MEGF10: variants seen among roughly 807,000 people sequenced by gnomAD.
MEGF10 encodes multiple EGF like domains 10, also known as multiple epidermal growth factor-like domains protein 10.
Under a neutral mutation model 147.5 loss-of-function variants are expected in MEGF10, and 86 were observed. That is an observed-to-expected ratio of 0.58 (90% CI 0.49 to 0.70). The LOEUF is 0.70. MEGF10 is among the 30% of genes least tolerant of loss of function. MEGF10 has a pLI of 0.00. For synonymous variants in MEGF10, 478 were observed against 525.5 expected (o/e 0.91, Z 1.24); for missense variants, 1,329 against 1,487.3 (o/e 0.89, Z 1.75).
At chr5:127,433,860 C>T (rs780158364) in intron 14 of MEGF10, among the ~76,000 whole-genome samples, 22 of 152,216 alleles carry the variant, frequency 1.4e-4, no homozygotes, top group Non-Finnish European at 2.1e-4. Flanking sequence ...AGCAGTTTGG[C>T]ATTGGCCTTA....
At chr5:127,251,686 C>T in the MEGF10 span, among the ~76,000 whole-genome samples, 2 of 151,880 alleles carry the variant, frequency 1.3e-5, no homozygotes, top group Admixed American at 1.3e-4. Context: ...AAAAGCCAAA[C>T]ATAAAAGTAC....
intron 9 of MEGF10, 89 bp downstream of exon 9, chr5:127,410,690 T>A: frequency 8.2e-7 from 1 of 1,226,666 alleles, no homozygotes; most frequent in Non-Finnish European, 1.1e-6. Context: ...GATAGAGTGA[T>A]TCTCACCCCA....
chr5:127,334,240 A>G (rs185694606), intron 2 of MEGF10, among the ~76,000 whole-genome samples: 113 of 152,240 alleles, frequency 7.4e-4, no homozygotes, highest in Non-Finnish European at 1.4e-3. Context: ...GGCTCATTTT[A>G]AGCTCTTCTT....
chr5:127,403,929 A>G (rs1423897397), intron 8 of MEGF10, among the ~76,000 whole-genome samples: 2 of 152,296 alleles, frequency 1.3e-5, no homozygotes, highest in East Asian at 1.9e-4. Context: ...ACTTCCATAT[A>G]CTGATTTACT....
At chr5:127,234,503 G>T in the MEGF10 span, among the ~76,000 whole-genome samples, 1 of 152,160 alleles carries the variant, frequency 6.6e-6, no homozygotes, top group African/African-American at 2.4e-5. Flanking sequence ...TGTGCCTCCT[G>T]GGAGAGCAAA....
intron 4 of MEGF10, among the ~76,000 whole-genome samples, chr5:127,352,319 A>G (rs1762113401): frequency 6.6e-6 from 1 of 152,156 alleles, no homozygotes; most frequent in African/African-American, 2.4e-5. Context: ...AATGGTACCT[A>G]GCTTTATTTT....
At chr5:127,304,396 TG>T (rs1474183551) in intron 1 of MEGF10, among the ~76,000 whole-genome samples, 1 of 152,218 alleles carries the variant, frequency 6.6e-6, no homozygotes, top group East Asian at 1.9e-4. Context: ...ATAAGGGCTA[TG>T]GGCCTCCTCA....
intron 1 of MEGF10, among the ~76,000 whole-genome samples, chr5:127,303,173 C>T (rs1759848806): frequency 6.6e-6 from 1 of 151,930 alleles, no homozygotes; most frequent in Non-Finnish European, 1.5e-5. Flanking sequence ...CCAGTCTCTA[C>T]TAAAATTCAA....
At chr5:127,321,912 A>G (rs538687938) in intron 1 of MEGF10, among the ~76,000 whole-genome samples, 42 of 152,016 alleles carry the variant, frequency 2.8e-4, no homozygotes, top group African/African-American at 9.2e-4. Flanking sequence ...AGAGAATTAT[A>G]TTTGCTCCTC....
At chr5:127,331,596 TATAGC>T (rs1761265124) in intron 2 of MEGF10, among the ~76,000 whole-genome samples, 172 bp downstream of exon 2, 1 of 152,204 alleles carries the variant, frequency 6.6e-6, no homozygotes, top group South Asian at 2.1e-4. Flanking sequence ...ACCTTGGTCT[TATAGC>T]ATATATATTA....
At chr5:127,238,012 A>G in the MEGF10 span, among the ~76,000 whole-genome samples, 5 of 149,324 alleles carry the variant, frequency 3.3e-5, no homozygotes, top group Non-Finnish European at 5.9e-5. Flanking sequence ...TGTTTTTAAC[A>G]GGGTATAAAC....
At chr5:127,396,898 G>T (rs1447763539) in intron 6 of MEGF10, 120 bp downstream of exon 6, 69 of 1,421,728 alleles carry the variant, frequency 4.9e-5, no homozygotes, top group Non-Finnish European at 5.8e-5. Flanking sequence ...TTACTGATGG[G>T]TCTAGGCTGC....
chr5:127,273,895 TAATTA>T, the MEGF10 span, among the ~76,000 whole-genome samples: 1 of 152,212 alleles, frequency 6.6e-6, no homozygotes, highest in Non-Finnish European at 1.5e-5. Context: ...GAATTTAAAT[TAATTA>T]AAATTAAATT....
At chr5:127,356,329 C>T (rs1762281655) in intron 4 of MEGF10, among the ~76,000 whole-genome samples, 1 of 152,188 alleles carries the variant, frequency 6.6e-6, no homozygotes, top group Non-Finnish European at 1.5e-5. Context: ...GCTGCACTGA[C>T]ATTCTTCTTT....
At chr5:127,325,584 A>G (rs2126771246) in intron 1 of MEGF10, among the ~76,000 whole-genome samples, 1 of 152,090 alleles carries the variant, frequency 6.6e-6, no homozygotes, top group Middle Eastern at 3.4e-3. Context: ...GGTCTTAATC[A>G]TGGTGTGCAT....
chr5:127,369,965 G>C lies in MEGF10; in HGVS notation c.375G>C (p.Gln125His). 6.2e-7 allele frequency: 1 copy of C among 1,613,488 alleles called. No homozygotes were observed. Among genetic ancestry groups the C allele is most frequent in the Non-Finnish European group, 8.5e-7 (1 of 1,179,646 alleles). ...HGRCIAPNTC[Q>H]CEPGWGGTNC... is the part of the protein sequence containing the mutation. ...GCTGTATTGCTCCAAACACCTGTCA[G>C]TGTGAGCCTGGCTGGGGAGGGACCA... Residue 125 changes from glutamine to histidine, a missense_variant, in exon 5 of 25, where the codon CAG (glutamine) becomes CAC (histidine). Transcript: ENST00000503335.
the MEGF10 span, among the ~76,000 whole-genome samples, chr5:127,261,468 A>G: frequency 6.6e-6 from 1 of 152,230 alleles, no homozygotes; most frequent in African/African-American, 2.4e-5. Context: ...ATTACTAAAT[A>G]TATTGCATAG....
At chr5:127,285,743 A>G in the MEGF10 span, among the ~76,000 whole-genome samples, 5 of 152,142 alleles carry the variant, frequency 3.3e-5, no homozygotes, top group East Asian at 9.6e-4. Context: ...AATAAGATGA[A>G]CTATTCTTGC....
At chr5:127,283,966 G>A in the MEGF10 span, among the ~76,000 whole-genome samples, 1 of 152,176 alleles carries the variant, frequency 6.6e-6, no homozygotes, top group South Asian at 2.1e-4. Flanking sequence ...CCCTTTCAAA[G>A]TAAGAATACT....
Sources: gnomAD v4.1 joint callset for allele counts (sites outside exome capture counted in the v4.1 genomes callset) on GRCh38, gnomAD v4.1.1 for gene constraint, MANE v1.5 for transcripts, NCBI Gene and HGNC (gene_info 2026-07-23, HGNC 2026-07-21) for gene names.